The following MADD variants were observed in gnomAD, a reference collection of about 807,000 sequenced individuals.
MADD encodes the protein MAP kinase-activating death domain protein.
MADD carries 109 observed loss-of-function variants against 176.7 expected under a neutral mutation model. The ratio of observed to expected loss-of-function variants is 0.62; its 90% CI spans 0.53 to 0.72. MADD has a LOEUF of 0.72. MADD is among the 30% of genes least tolerant of loss of function. The pLI, the probability that MADD is intolerant of heterozygous loss-of-function variation, is 0.00. For missense variants in MADD, 1,914 were observed against 2,045.5 expected, an observed-to-expected ratio of 0.94 and a Z score of 1.24; for synonymous variants, 771 against 771.3, an observed-to-expected ratio of 1.00 and a Z score of 0.01.
At chr11:47,311,916 A>T (rs1437548072) in intron 26 of MADD, 74 bp downstream of exon 29, 1 of 900,344 alleles carries the variant, frequency 1.1e-6, no homozygotes, top group Non-Finnish European at 1.8e-6. Context: ...AGTCCAGTTC[A>T]CCCCGTTTTT....
Position 47,325,002 on chromosome 11 carries a change from TGTGCGTGC to T in MADD, c.4542+434_4542+441del. The T allele has an allele frequency of 3.6e-6, 2 of 548,328 alleles. No homozygotes were observed. Among genetic ancestry groups the T allele is most frequent in the Non-Finnish European group, 6.5e-6 (2 of 306,034 alleles). The allele number at this position is 548,328 out of a possible 1,614,324, so 34.0% of individuals were successfully genotyped here. Reference sequence around the variant, plus strand: ...CTTTCTGGTGTGCGTGCAGCTTGCGTGTGCGTGCGTGCGTGCCTGCGTGCTTGTGTGTA... The same window carrying T: ...CTTTCTGGTGTGCGTGCAGCTTGCGTGTGCGTGCCTGCGTGCTTGTGTGTA... On this transcript the variant is annotated intron_variant, in intron 30 of 32. Coordinates refer to ENST00000402192, the Ensembl canonical transcript of MADD. The surrounding 1 kb of genome is among the most constrained non-coding windows in gnomAD (Gnocchi z 4.5).
At chr11:47,327,366 G>C (rs1453478793) in intron 31 of MADD, 2 of 985,322 alleles carry the variant, frequency 2.0e-6, no homozygotes, top group African/African-American at 3.5e-5. Flanking sequence ...TCACCCTGGG[G>C]CTTTGAGTTC....
At chr11:47,304,250 G>A (rs1006693275) in intron 22 of MADD, among the ~76,000 whole-genome samples, 4 of 145,350 alleles carry the variant, frequency 2.8e-5, no homozygotes, top group Non-Finnish European at 4.5e-5. Context: ...TTTTTTTTGA[G>A]ACGGAGTTTC....
At chr11:47,276,682 A>G (rs1247025381) in intron 4 of MADD, 50 bp from the exon 5 acceptor site, 1 of 1,598,368 alleles carries the variant, frequency 6.3e-7, no homozygotes, top group Admixed American at 1.7e-5. Context: ...GTTTTCTTGT[A>G]AACCATATTT....
intron 13 of MADD, 128 bp from the exon 14 acceptor site, chr11:47,285,323 G>C (rs996720742): frequency 1.3e-6 from 2 of 1,550,812 alleles, no homozygotes; most frequent in Non-Finnish European, 1.7e-6. Flanking sequence ...CCAGAGGATG[G>C]TGTTCTGATC....
At chr11:47,323,560 C>A in intron 27 of MADD, 111 bp from the exon 31 acceptor site, 1 of 1,109,082 alleles carries the variant, frequency 9.0e-7, no homozygotes, top group Non-Finnish European at 1.3e-6. Context: ...GAGCGTAAGG[C>A]AGAAAACCTG....
intron 15 of MADD, among the ~76,000 whole-genome samples, chr11:47,288,519 T>C (rs1418579495): frequency 6.6e-6 from 1 of 152,200 alleles, no homozygotes; most frequent in East Asian, 1.9e-4. Flanking sequence ...TGAAACTCTT[T>C]CATTGCATGC....
chr11:47,273,923 A>G, exon 2 of MADD: 1 of 1,614,070 alleles, frequency 6.2e-7, no homozygotes, highest in African/African-American at 1.3e-5. Flanking sequence ...CCATGGTGCA[A>G]AAGAAGAAGT....
Position 47,306,274 on chromosome 11 carries a change from A to C in MADD, c.3643-2317A>C, listed in dbSNP as rs575481024. The stretch of plus-strand genomic sequence containing the variant: ...GCTCACAGCTTGGCTTAGATTGTCA[A>C]GACATCAGGCTAGAGTGGTTTGTTG... On this transcript the variant is annotated intron_variant, in intron 22 of 32. Coordinates refer to ENST00000402192, the Ensembl canonical transcript of MADD. 2.6e-5 allele frequency among the ~76,000 whole-genome samples: 4 copies of C among 152,282 alleles called. No individual in the cohort carries two copies. The East Asian group carries it at 7.7e-4, about 29-fold the overall frequency.
At chr11:47,284,950 G>T in exon 13 of MADD, 1 of 1,613,740 alleles carries the variant, frequency 6.2e-7, no homozygotes, top group Non-Finnish European at 8.5e-7. Flanking sequence ...GGAACCTGCT[G>T]ACTCTACGGA....
chr11:47,305,560 A>G (rs1417908582), intron 22 of MADD, among the ~76,000 whole-genome samples: 10 of 152,228 alleles, frequency 6.6e-5, no homozygotes, highest in Non-Finnish European at 1.3e-4. Flanking sequence ...CTCAGGTCCC[A>G]CGGAATGAGG....
At chr11:47,320,009 A>T (rs1332264781) in intron 27 of MADD, among the ~76,000 whole-genome samples, 5 of 151,298 alleles carry the variant, frequency 3.3e-5, no homozygotes, top group African/African-American at 1.2e-4. Context: ...AAAAAAAAAA[A>T]AAATTACAAA....
At chr11:47,328,947 T>C (rs567411934) in intron 32 of MADD, 99 bp from the exon 37 acceptor site, 1 of 1,104,036 alleles carries the variant, frequency 9.1e-7, no homozygotes, top group African/African-American at 1.5e-5. Flanking sequence ...CAGAGGCCCA[T>C]GCCCAGTGTT....
intron 23 of MADD, 89 bp from the exon 27 acceptor site, chr11:47,309,192 T>C: frequency 1.3e-6 from 2 of 1,563,778 alleles, no homozygotes; most frequent in South Asian, 2.4e-5. Context: ...AATTATTCCC[T>C]TTTATCTGGA....
exon 24 of MADD, chr11:47,309,281 G>A (rs868563468): frequency 6.2e-7 from 1 of 1,613,912 alleles, no homozygotes; most frequent in Non-Finnish European, 8.5e-7. Flanking sequence ...TTCTATGCAG[G>A]CAAAGAGCGT....
At position 47,300,589 on chromosome 11, in the gene MADD, C is replaced by T. The variant is rs186937755; in HGVS notation, c.3642+4534C>T. On this transcript the variant is annotated intron_variant, in intron 22 of 32. Transcript: ENST00000402192. The stretch of plus-strand genomic sequence containing the variant: ...GTTGGCTCACTGCAACCTCTGCCTC[C>T]CAGGTTCAAGCAATTCTCATACCTC... 8.9e-4 allele frequency among the ~76,000 whole-genome samples: 135 copies of T among 152,088 alleles called. 2 individuals are homozygous for T. Among genetic ancestry groups the T allele is most frequent in the African/African-American group, 3.2e-3 (132 of 41,474 alleles).
At position 47,290,617 on chromosome 11, in the gene MADD, C is replaced by A. The variant is rs772147190; in HGVS notation, c.3102C>A (p.Asp1034Glu). The stretch of plus-strand genomic sequence containing the variant: ...TTGATATTTTTCCCTCAGAACCAGA[C>A]AAGCGGAAGAGAAGTCCAACAGAAA... The change falls in exon 19 of 33, where the codon GAC becomes GAA. Residue 1034 changes from aspartate to glutamate, a missense_variant. Around this residue, in one of 2 missense-constraint regions of MADD, gnomAD observed 1,767 missense variants for 1,836.0 expected, o/e 0.96. Coordinates refer to ENST00000402192, the Ensembl canonical transcript of MADD. The A allele has an allele frequency of 2.5e-6, 4 of 1,613,260 alleles. No homozygotes were observed. The South Asian group carries it at 4.4e-5, about 18-fold the overall frequency.
intron 19 of MADD, 70 bp downstream of exon 20, chr11:47,290,886 T>A: frequency 1.6e-6 from 2 of 1,253,796 alleles, no homozygotes; most frequent in South Asian, 2.7e-5. Context: ...CCTCAATTCA[T>A]CCAGAATCCT....
intron 7 of MADD, 86 bp from the exon 8 acceptor site, chr11:47,281,489 C>T: frequency 8.8e-7 from 1 of 1,134,512 alleles, no homozygotes; most frequent in Non-Finnish European, 1.2e-6. Flanking sequence ...GGTAGCAGAC[C>T]TTAGGAAGGC....
Sources: gnomAD v4.1 joint callset for allele counts (sites outside exome capture counted in the v4.1 genomes callset) on GRCh38, gnomAD v4.1.1 for gene constraint, gnomAD v4.1.1 regional missense constraint, Gnocchi (gnomAD v3.1) non-coding constraint, MANE v1.5 for transcripts, NCBI Gene and HGNC (gene_info 2026-07-23, HGNC 2026-07-21) for gene names.